The following DAB1 variants were observed in gnomAD, a reference collection of about 807,000 sequenced individuals.
The protein encoded by DAB1 is DAB adaptor protein 1.
A neutral mutation model predicts 64.6 loss-of-function variants in DAB1; 15 were observed. That is an observed-to-expected ratio of 0.23 (90% CI 0.16 to 0.36). The LOEUF (loss-of-function observed/expected upper bound fraction) is 0.36, where lower values mean the gene tolerates loss of function less well. DAB1 is among the 10% of genes least tolerant of loss of function. The pLI, the probability that DAB1 is intolerant of heterozygous loss-of-function variation, is 1.00. For missense variants in DAB1, 596 were observed against 706.7 expected (o/e 0.84, Z 1.78); for synonymous variants, 235 against 251.9 (o/e 0.93, Z 0.64).
intron 9 of DAB1, chr1:57,033,684 T>A: frequency 1.9e-6 from 2 of 1,036,732 alleles, no homozygotes; most frequent in Non-Finnish European, 2.9e-6. Flanking sequence ...GTGGTCTCAG[T>A]AGGCGGGAGC....
At chr1:57,903,407 T>C (rs1364283375) in intron 5 of DAB1, among the ~76,000 whole-genome samples, 1 of 152,172 alleles carries the variant, frequency 6.6e-6, no homozygotes, top group East Asian at 1.9e-4. Flanking sequence ...CCTTTTTGTG[T>C]TATTCAGTGT....
intron 2 of DAB1, among the ~76,000 whole-genome samples, chr1:57,159,316 C>A (rs754070564): frequency 6.6e-6 from 1 of 152,166 alleles, no homozygotes; most frequent in Non-Finnish European, 1.5e-5. Context: ...AGACTATCTC[C>A]TAGCAGTGTC....
chr1:58,519,265 G>A (rs977777303), intron 2 of DAB1, among the ~76,000 whole-genome samples: 4 of 152,098 alleles, frequency 2.6e-5, no homozygotes, highest in African/African-American at 9.7e-5. Flanking sequence ...CACTTGGTAG[G>A]TTATATATTT....
At chr1:57,608,592 A>T (rs1478359054) in intron 7 of DAB1, among the ~76,000 whole-genome samples, 1 of 152,246 alleles carries the variant, frequency 6.6e-6, no homozygotes, top group African/African-American at 2.4e-5. Context: ...AGTATTAAAT[A>T]CTTGTGATAT....
chr1:57,033,429 C>T, intron 9 of DAB1: 2 of 1,612,946 alleles, frequency 1.2e-6, no homozygotes, highest in Middle Eastern at 1.6e-4. Flanking sequence ...GGGCAGGTTT[C>T]TGTTCTGTAA....
chr1:57,198,649 T>TCTCTCTCTCTCACACACA (rs1477522407), intron 2 of DAB1, among the ~76,000 whole-genome samples: 5 of 128,334 alleles, frequency 3.9e-5, no homozygotes, highest in East Asian at 2.2e-4. Context: ...CTTCTCTCTC[T>TCTCTCTCTCTCACACACA]CACACACACA....
chr1:58,333,214 G>A (rs1431878787), intron 4 of DAB1, among the ~76,000 whole-genome samples: 2 of 152,138 alleles, frequency 1.3e-5, no homozygotes, highest in African/African-American at 4.8e-5. Context: ...CGTAAGGCAG[G>A]AGCTCCTATT....
intron 7 of DAB1, among the ~76,000 whole-genome samples, chr1:57,492,633 T>TATCCTAGAGCCTATC (rs1253143483): frequency 6.6e-6 from 1 of 152,212 alleles, no homozygotes; most frequent in Non-Finnish European, 1.5e-5. Flanking sequence ...ACAGCAGAAC[T>TATCCTAGAGCCTATC]CTAGAGCCTA....
intron 5 of DAB1, among the ~76,000 whole-genome samples, chr1:57,900,828 T>G (rs1644461674): frequency 6.6e-6 from 1 of 152,146 alleles, no homozygotes; most frequent in Non-Finnish European, 1.5e-5. Flanking sequence ...TTGTAATTAC[T>G]TGGTGAATGT....
At chr1:57,481,882 A>G (rs563546607) in intron 7 of DAB1, among the ~76,000 whole-genome samples, 2 of 152,274 alleles carry the variant, frequency 1.3e-5, no homozygotes, top group East Asian at 3.9e-4. Context: ...TGTTGAGTGA[A>G]TAAAATAATC....
intron 4 of DAB1, among the ~76,000 whole-genome samples, chr1:57,086,882 G>T (rs1300241428): frequency 6.6e-6 from 1 of 152,102 alleles, no homozygotes; most frequent in Non-Finnish European, 1.5e-5. Context: ...GTGTTGAATG[G>T]GTCTGGGTCA....
chr1:58,487,056 T>C (rs1027600226), intron 3 of DAB1, among the ~76,000 whole-genome samples: 5 of 152,208 alleles, frequency 3.3e-5, no homozygotes, highest in African/African-American at 9.6e-5. Context: ...TCTGGCTACA[T>C]ATTGAAAATA....
intron 1 of DAB1, among the ~76,000 whole-genome samples, chr1:57,868,556 T>C (rs1654402353): frequency 6.6e-6 from 1 of 152,098 alleles, no homozygotes; most frequent in Non-Finnish European, 1.5e-5. Flanking sequence ...AGCTGTCTTG[T>C]GTATTTTAGG....
At chr1:57,122,016 AGT>A in intron 4 of DAB1, among the ~76,000 whole-genome samples, 1 of 152,142 alleles carries the variant, frequency 6.6e-6, no homozygotes. Flanking sequence ...TTCTCTACAT[AGT>A]GTCTCTGTAT....
intron 7 of DAB1, among the ~76,000 whole-genome samples, chr1:57,498,259 C>G (rs957153518): frequency 1.3e-5 from 2 of 152,112 alleles, no homozygotes; most frequent in Admixed American, 6.5e-5. Flanking sequence ...GTCTAGAGCT[C>G]AGGGAAGGCT....
At chr1:57,735,247 C>T (rs1252505771) in intron 6 of DAB1, among the ~76,000 whole-genome samples, 1 of 152,162 alleles carries the variant, frequency 6.6e-6, no homozygotes, top group Non-Finnish European at 1.5e-5. Flanking sequence ...GTTTTTACTA[C>T]TGGTTCTGCT....
intron 4 of DAB1, among the ~76,000 whole-genome samples, chr1:58,153,340 G>A (rs935334140): frequency 3.9e-5 from 6 of 152,106 alleles, no homozygotes; most frequent in African/African-American, 9.7e-5. Flanking sequence ...GAACACAAAG[G>A]AAAGCTGATA....
At chr1:57,542,197 C>A (rs531764780) in intron 7 of DAB1, among the ~76,000 whole-genome samples, 7 of 152,176 alleles carry the variant, frequency 4.6e-5, no homozygotes, top group African/African-American at 1.4e-4. Context: ...CACTTTTATT[C>A]ATAAGTGTTG....
chr1:57,445,451 T>C (rs529055345), intron 7 of DAB1, among the ~76,000 whole-genome samples: 1 of 152,298 alleles, frequency 6.6e-6, no homozygotes, highest in South Asian at 2.1e-4. Flanking sequence ...CTTCCCTAAG[T>C]ACAATCCCAT....
Sources: gnomAD v4.1 joint callset for allele counts (sites outside exome capture counted in the v4.1 genomes callset) on GRCh38, gnomAD v4.1.1 for gene constraint, MANE v1.5 for transcripts, NCBI Gene and HGNC (gene_info 2026-07-23, HGNC 2026-07-21) for gene names.